The following DRC11 variants were observed in gnomAD, a reference collection of about 807,000 sequenced individuals.
DRC11 encodes IQ and AAA domain-containing protein 1.
At chr2:236,399,196 G>C in the DRC11 span, among the ~76,000 whole-genome samples, 1 of 151,974 alleles carries the variant, frequency 6.6e-6, no homozygotes. The surrounding 1 kb of genome is among the most constrained non-coding windows in gnomAD (Gnocchi z 7.0). Flanking sequence ...CACCATGTTG[G>C]CCAGGCTGGT....
At chr2:236,413,489 A>T in the DRC11 span, among the ~76,000 whole-genome samples, 3 of 152,164 alleles carry the variant, frequency 2.0e-5, no homozygotes, top group African/African-American at 7.2e-5. The surrounding 1 kb of genome is among the most constrained non-coding windows in gnomAD (Gnocchi z 4.0). Flanking sequence ...CATTTTTGTA[A>T]AGTCATGCAA....
the DRC11 span, among the ~76,000 whole-genome samples, chr2:236,491,188 GTATATATATATA>G: frequency 4.0e-5 from 1 of 24,772 alleles, no homozygotes; most frequent in Non-Finnish European, 7.5e-5. Flanking sequence ...TATACACACA[GTATATATATATA>G]TATATATATA....
chr2:236,338,096 C>T, the DRC11 span: 1 of 1,079,492 alleles, frequency 9.3e-7, no homozygotes, highest in Non-Finnish European at 1.3e-6. Flanking sequence ...TGCAGGCTCC[C>T]CTCAACTCAT....
chr2:236,494,835 C>T, the DRC11 span, among the ~76,000 whole-genome samples: 3 of 152,126 alleles, frequency 2.0e-5, no homozygotes, highest in Non-Finnish European at 4.4e-5. This position sits in a 1 kb window ranked among gnomAD's most constrained non-coding sequence, Gnocchi z 4.2. Flanking sequence ...CTTTCTGAGG[C>T]TCATGGAGTG....
At chr2:236,475,519 G>A in the DRC11 span, among the ~76,000 whole-genome samples, 2 of 152,068 alleles carry the variant, frequency 1.3e-5, no homozygotes, top group Non-Finnish European at 2.9e-5. The surrounding 1 kb of genome is among the most constrained non-coding windows in gnomAD (Gnocchi z 4.8). Flanking sequence ...TGGATCATAC[G>A]GTATTAGGTT....
the DRC11 span, among the ~76,000 whole-genome samples, chr2:236,478,997 G>T: frequency 3.0e-3 from 459 of 152,024 alleles, no homozygotes; most frequent in Middle Eastern, 6.8e-3. This position sits in a 1 kb window ranked among gnomAD's most constrained non-coding sequence, Gnocchi z 5.9. Flanking sequence ...GCTAATTTTT[G>T]TATTTTTAGT....
chr2:236,359,060 TAGACAGGCAAGGGAAGG>T, the DRC11 span, among the ~76,000 whole-genome samples: 5 of 151,660 alleles, frequency 3.3e-5, no homozygotes, highest in Non-Finnish European at 4.4e-5. The surrounding 1 kb of genome is among the most constrained non-coding windows in gnomAD (Gnocchi z 4.3). Context: ...GACCTCTCAT[TAGACAGGCAAGGGAAGG>T]CCAGGGCAGG....
At chr2:236,378,034 G>GTTC in the DRC11 span, among the ~76,000 whole-genome samples, 5 of 152,138 alleles carry the variant, frequency 3.3e-5, no homozygotes, top group Non-Finnish European at 7.3e-5. Context: ...TATTTAGACA[G>GTTC]TTCTTCTGAC....
chr2:236,377,403 T>C, the DRC11 span, among the ~76,000 whole-genome samples: 1 of 152,234 alleles, frequency 6.6e-6, no homozygotes, highest in African/African-American at 2.4e-5. The surrounding 1 kb of genome is among the most constrained non-coding windows in gnomAD (Gnocchi z 4.9). Flanking sequence ...GTATCTGATG[T>C]TTCCCATTAA....
the DRC11 span, among the ~76,000 whole-genome samples, chr2:236,476,738 T>C: frequency 5.2e-4 from 73 of 140,726 alleles, no homozygotes; most frequent in Middle Eastern, 7.6e-3. This position sits in a 1 kb window ranked among gnomAD's most constrained non-coding sequence, Gnocchi z 4.7. Flanking sequence ...TTTTTCCTGA[T>C]TGTATTTTTT....
chr2:236,333,773 C>A, the DRC11 span, among the ~76,000 whole-genome samples: 25 of 152,322 alleles, frequency 1.6e-4, no homozygotes, highest in South Asian at 5.0e-3. The surrounding 1 kb of genome is among the most constrained non-coding windows in gnomAD (Gnocchi z 6.0). Context: ...ATCATCCAAC[C>A]TTCTTGCAGG....
the DRC11 span, among the ~76,000 whole-genome samples, chr2:236,449,791 C>G: frequency 6.6e-6 from 1 of 152,268 alleles, no homozygotes; most frequent in Admixed American, 6.5e-5. The surrounding 1 kb of genome is among the most constrained non-coding windows in gnomAD (Gnocchi z 5.1). Context: ...AACCACCTCC[C>G]CTCCCCAGCT....
the DRC11 span, among the ~76,000 whole-genome samples, chr2:236,356,132 G>T: frequency 6.6e-6 from 1 of 151,958 alleles, no homozygotes; most frequent in Non-Finnish European, 1.5e-5. Flanking sequence ...AGCCCTCAGG[G>T]GCCAGGTCAC....
At chr2:236,398,017 A>T in the DRC11 span, among the ~76,000 whole-genome samples, 2 of 152,202 alleles carry the variant, frequency 1.3e-5, no homozygotes, top group Non-Finnish European at 2.9e-5. The surrounding 1 kb of genome is among the most constrained non-coding windows in gnomAD (Gnocchi z 6.2). Context: ...TAAGGAGTTG[A>T]TGGATTCTTA....
At chr2:236,403,528 A>C in the DRC11 span, among the ~76,000 whole-genome samples, 1 of 151,792 alleles carries the variant, frequency 6.6e-6, no homozygotes, top group Non-Finnish European at 1.5e-5. Flanking sequence ...GGTGGGGAGG[A>C]GGCTAGTTTG....
At chr2:236,502,305 G>A in the DRC11 span, among the ~76,000 whole-genome samples, 169 of 152,152 alleles carry the variant, frequency 1.1e-3, 1 homozygote, top group African/African-American at 3.8e-3. Context: ...AGGGCCAGGC[G>A]TGGTGGCTCA....
chr2:236,359,983 A>C, the DRC11 span, among the ~76,000 whole-genome samples: 12 of 152,192 alleles, frequency 7.9e-5, no homozygotes, highest in Non-Finnish European at 1.5e-5. This position sits in a 1 kb window ranked among gnomAD's most constrained non-coding sequence, Gnocchi z 4.3. Context: ...TGCAGTCCAC[A>C]CAATGCCAGT....
chr2:236,344,307 G>A, the DRC11 span, among the ~76,000 whole-genome samples: 165 of 152,236 alleles, frequency 1.1e-3, no homozygotes, highest in African/African-American at 3.9e-3. Context: ...CCTCTGAATC[G>A]TATGTTTGGG....
the DRC11 span, among the ~76,000 whole-genome samples, chr2:236,473,085 T>C: frequency 6.7e-6 from 1 of 149,302 alleles, no homozygotes; most frequent in Non-Finnish European, 1.5e-5. The surrounding 1 kb of genome is among the most constrained non-coding windows in gnomAD (Gnocchi z 4.8). Flanking sequence ...GAATAATATT[T>C]TTTTAAATAA....
Sources: gnomAD v4.1 joint callset for allele counts (sites outside exome capture counted in the v4.1 genomes callset) on GRCh38, gnomAD v4.1.1 for gene constraint, Gnocchi (gnomAD v3.1) non-coding constraint, MANE v1.5 for transcripts, NCBI Gene and HGNC (gene_info 2026-07-23, HGNC 2026-07-21) for gene names.